Variants in RASGEF1C observed in about 807,000 individuals in gnomAD.
RASGEF1C encodes ras-GEF domain-containing family member 1C.
RASGEF1C carries 27 observed loss-of-function variants against 58.1 expected under a neutral mutation model. The observed-to-expected ratio is 0.46, with a 90% CI of 0.34 to 0.64. The LOEUF is 0.64. Ranked by LOEUF, RASGEF1C falls within the 30% of genes least tolerant of loss-of-function variation. RASGEF1C has a pLI of 0.01. For synonymous variants in RASGEF1C, 243 were observed against 246.3 expected (o/e 0.99, Z 0.13); for missense variants, 502 against 605.1 (o/e 0.83, Z 1.79).
At chr5:180,190,380 C>T (rs1433057749) in intron 1 of RASGEF1C, among the ~76,000 whole-genome samples, 1 of 150,838 alleles carries the variant, frequency 6.6e-6, no homozygotes, top group African/African-American at 2.4e-5. Flanking sequence ...GTCCCAGCTA[C>T]TCGGGAGGCT....
chr5:180,175,850 C>T (rs774767481), intron 1 of RASGEF1C, among the ~76,000 whole-genome samples: 2 of 152,074 alleles, frequency 1.3e-5, no homozygotes, highest in Non-Finnish European at 2.9e-5. Flanking sequence ...TAGCCGGGCG[C>T]AGTGGCGGGC....
Position 180,198,555 on chromosome 5 carries a change from T to C in RASGEF1C, c.-7+10473A>G, listed in dbSNP as rs1200187265. On this transcript the variant is annotated intron_variant, in intron 1 of 13. Transcript: ENST00000361132. The surrounding 1 kb of genome is among the most constrained non-coding windows in gnomAD (Gnocchi z 4.5). ...TGCTCTCTGCTCCACAGAGGGTGCCTCCCTCCTGCATCTTCACATGGGGGA... is the reference window on the plus strand; with the variant it reads ...TGCTCTCTGCTCCACAGAGGGTGCCCCCCTCCTGCATCTTCACATGGGGGA... 1.3e-5 allele frequency among the ~76,000 whole-genome samples: 2 copies of C among 152,152 alleles called. No homozygotes were observed. Among genetic ancestry groups the C allele is most frequent in the African/African-American group, 4.8e-5 (2 of 41,448 alleles).
chr5:180,193,476 G>C (rs1385869318), intron 1 of RASGEF1C, among the ~76,000 whole-genome samples: 1 of 152,112 alleles, frequency 6.6e-6, no homozygotes, highest in Admixed American at 6.5e-5. Flanking sequence ...TGATTCCCCT[G>C]GGGGGAAAGT....
intron 11 of RASGEF1C, among the ~76,000 whole-genome samples, chr5:180,112,791 CCTTT>C (rs1281979864): frequency 1.3e-5 from 2 of 152,234 alleles, no homozygotes; most frequent in Non-Finnish European, 2.9e-5. Context: ...GTCAGCCTGG[CCTTT>C]CTTCTCAGGA....
chr5:180,103,394 A>G (rs1765830401), intron 12 of RASGEF1C, among the ~76,000 whole-genome samples: 1 of 152,152 alleles, frequency 6.6e-6, no homozygotes, highest in Non-Finnish European at 1.5e-5. Flanking sequence ...ATTAACTTTT[A>G]GCGTACACGT....
chr5:180,103,614 C>T (rs1765833857), intron 12 of RASGEF1C, among the ~76,000 whole-genome samples: 2 of 152,242 alleles, frequency 1.3e-5, no homozygotes, highest in South Asian at 4.1e-4. Context: ...TTTTTTTCCT[C>T]ATCATCTGCA....
intron 6 of RASGEF1C, among the ~76,000 whole-genome samples, chr5:180,123,475 G>T (rs1370000087): frequency 6.6e-6 from 1 of 152,110 alleles, no homozygotes; most frequent in Non-Finnish European, 1.5e-5. Flanking sequence ...AAAATTTTTT[G>T]AAATAATCTA....
At chr5:180,110,906 C>G (rs930191764) in intron 12 of RASGEF1C, among the ~76,000 whole-genome samples, 3 of 152,004 alleles carry the variant, frequency 2.0e-5, no homozygotes, top group Non-Finnish European at 1.5e-5. Flanking sequence ...ACCTCTGCCT[C>G]CCGGGTTCAA....
intron 10 of RASGEF1C, among the ~76,000 whole-genome samples, chr5:180,118,251 G>A (rs1191002730): frequency 6.6e-6 from 1 of 152,178 alleles, no homozygotes; most frequent in African/African-American, 2.4e-5. Context: ...CTGTAGTGTG[G>A]CAGGGCAGGT....
chr5:180,117,677 C>T (rs1458608775), intron 10 of RASGEF1C, among the ~76,000 whole-genome samples: 1 of 152,114 alleles, frequency 6.6e-6, no homozygotes, highest in African/African-American at 2.4e-5. Flanking sequence ...TCCGCAGAGG[C>T]TCCACAAATG....
intron 1 of RASGEF1C, among the ~76,000 whole-genome samples, chr5:180,188,919 A>G (rs865867776): frequency 6.6e-6 from 1 of 152,132 alleles, no homozygotes; most frequent in Non-Finnish European, 1.5e-5. Flanking sequence ...TCTATTCAAC[A>G]CTGTACGGGA....
intron 6 of RASGEF1C, among the ~76,000 whole-genome samples, chr5:180,121,668 CACACACACACA>C (rs1485583352): frequency 5.4e-4 from 65 of 120,344 alleles, no homozygotes; most frequent in African/African-American, 1.5e-3. Context: ...CACACACACA[CACACACACACA>C]CACCCTCATT....
intron 1 of RASGEF1C, among the ~76,000 whole-genome samples, chr5:180,174,061 C>A (rs1001879138): frequency 3.3e-5 from 5 of 152,012 alleles, no homozygotes; most frequent in Admixed American, 2.6e-4. Flanking sequence ...CTCTCGGGGG[C>A]TCCTTCCGCC....
chr5:180,131,498 C>T (rs1319304636), intron 4 of RASGEF1C, among the ~76,000 whole-genome samples: 1 of 152,168 alleles, frequency 6.6e-6, no homozygotes, highest in East Asian at 1.9e-4. Context: ...TGCTGTGAGC[C>T]CTTCTGCCAC....
At chr5:180,129,686 C>T (rs1027691337) in intron 4 of RASGEF1C, among the ~76,000 whole-genome samples, 1 of 152,248 alleles carries the variant, frequency 6.6e-6, no homozygotes, top group African/African-American at 2.4e-5. Context: ...CCCGAGGCCT[C>T]TGGGAGCAGC....
At chr5:180,161,685 C>T (rs1452563339) in intron 1 of RASGEF1C, among the ~76,000 whole-genome samples, 3 of 152,268 alleles carry the variant, frequency 2.0e-5, no homozygotes, top group South Asian at 4.1e-4. Context: ...GCTCCTGGAA[C>T]ACCGCTGTGG....
intron 1 of RASGEF1C, among the ~76,000 whole-genome samples, chr5:180,165,639 C>G (rs1171043405): frequency 6.7e-6 from 1 of 149,462 alleles, no homozygotes; most frequent in African/African-American, 2.5e-5. Flanking sequence ...CCACAGCACT[C>G]CAGCCTGGGC....
rs1253544253 is a variant in RASGEF1C at position 180,155,800 on chromosome 5, G to A, written c.-6-17742C>T. Among the ~76,000 whole-genome samples the A allele has an allele frequency of 2.0e-5, 3 of 152,104 alleles. No individual in the cohort carries two copies. Among genetic ancestry groups the A allele is most frequent in the African/African-American group, 7.2e-5 (3 of 41,416 alleles). ...AGTCACTCCCCAAGCCACAGTGAAG[G>A]GGTTTGTTTCACCTCCCAACCCGCA... is the stretch of plus-strand genomic sequence containing the variant. On this transcript the variant is annotated intron_variant, in intron 1 of 13. Transcript: ENST00000361132. This position sits in a 1 kb window ranked among gnomAD's most constrained non-coding sequence, Gnocchi z 5.2.
At chr5:180,116,824 C>G (rs1766075778) in intron 10 of RASGEF1C, among the ~76,000 whole-genome samples, 1 of 152,262 alleles carries the variant, frequency 6.6e-6, no homozygotes, top group Admixed American at 6.5e-5. Flanking sequence ...CCACACACAC[C>G]CACTGCCTGG....
Sources: gnomAD v4.1 joint callset for allele counts (sites outside exome capture counted in the v4.1 genomes callset) on GRCh38, gnomAD v4.1.1 for gene constraint, Gnocchi (gnomAD v3.1) non-coding constraint, MANE v1.5 for transcripts, NCBI Gene and HGNC (gene_info 2026-07-23, HGNC 2026-07-21) for gene names.